Variants in GDPD5 observed in about 807,000 individuals in gnomAD.
GDPD5 encodes glycerophosphodiester phosphodiesterase domain containing 5, also known as glycerophosphodiester phosphodiesterase 2.
A neutral mutation model predicts 75.1 loss-of-function variants in GDPD5; 48 were observed. That is an observed-to-expected ratio of 0.64 (90% CI 0.51 to 0.81). The LOEUF (loss-of-function observed/expected upper bound fraction) is 0.81. Ranked by LOEUF, GDPD5 falls within the 40% of genes least tolerant of loss-of-function variation. The pLI, the probability that GDPD5 is intolerant of heterozygous loss-of-function variation, is 0.00. For synonymous variants in GDPD5, 336 were observed against 339.0 expected (o/e 0.99, Z 0.10); for missense variants, 706 against 822.6 (o/e 0.86, Z 1.73).
chr11:75,498,072 C>T (rs980007546), intron 1 of GDPD5, among the ~76,000 whole-genome samples: 1 of 149,940 alleles, frequency 6.7e-6, no homozygotes, highest in African/African-American at 2.5e-5. Flanking sequence ...CCAGGCCTGT[C>T]ATGGTCTGTT....
chr11:75,503,182 G>A (rs1416602187), intron 1 of GDPD5, among the ~76,000 whole-genome samples: 1 of 152,158 alleles, frequency 6.6e-6, no homozygotes, highest in Non-Finnish European at 1.5e-5. Flanking sequence ...ACCATGCCCA[G>A]CTAATTTTTG....
chr11:75,459,052 G>C (rs1421855047), intron 4 of GDPD5, among the ~76,000 whole-genome samples: 1 of 152,142 alleles, frequency 6.6e-6, no homozygotes. Context: ...GGGATTATAG[G>C]CGTGAGCCAC....
At chr11:75,496,972 G>A (rs758601026) in intron 1 of GDPD5, among the ~76,000 whole-genome samples, 11 of 151,676 alleles carry the variant, frequency 7.3e-5, no homozygotes, top group African/African-American at 1.4e-4. Flanking sequence ...TTGTAGAGAC[G>A]GGGTTTTGCC....
At chr11:75,475,529 C>T (rs1487489775) in intron 3 of GDPD5, among the ~76,000 whole-genome samples, 1 of 152,132 alleles carries the variant, frequency 6.6e-6, no homozygotes, top group East Asian at 1.9e-4. Flanking sequence ...CCTCACCCAG[C>T]TGCCTCAGGA....
chr11:75,493,557 G>T (rs1950152692), intron 1 of GDPD5, among the ~76,000 whole-genome samples: 1 of 151,780 alleles, frequency 6.6e-6, no homozygotes, highest in African/African-American at 2.4e-5. Context: ...ATGCTACCAC[G>T]CCAGGCCTCT....
chr11:75,483,091 G>T (rs1949952366), intron 2 of GDPD5, among the ~76,000 whole-genome samples: 1 of 152,108 alleles, frequency 6.6e-6, no homozygotes, highest in Admixed American at 6.5e-5. Context: ...TCCTGCCAGG[G>T]ATAATGGCAT....
At chr11:75,523,519 A>G (rs919596380) in intron 1 of GDPD5, among the ~76,000 whole-genome samples, 21 of 152,266 alleles carry the variant, frequency 1.4e-4, no homozygotes, top group African/African-American at 4.8e-4. Context: ...TGACAGCCAG[A>G]TGTGATGGCC....
At chr11:75,513,306 AGGCACACAGCCAGCAAG>A (rs1950568464) in intron 1 of GDPD5, among the ~76,000 whole-genome samples, 1 of 152,194 alleles carries the variant, frequency 6.6e-6, no homozygotes, top group Non-Finnish European at 1.5e-5. Context: ...TGTTCTCTTA[AGGCACACAGCCAGCAAG>A]GCAGGTGTTG....
intron 1 of GDPD5, chr11:75,515,981 A>G (rs988819312): frequency 3.9e-5 from 6 of 152,252 alleles, no homozygotes; most frequent in Non-Finnish European, 8.8e-5. Context: ...CTGTGTCCTA[A>G]GGACAGTGTA....
intron 2 of GDPD5, among the ~76,000 whole-genome samples, chr11:75,479,919 T>C (rs1248526951): frequency 6.6e-6 from 1 of 152,220 alleles, no homozygotes; most frequent in Non-Finnish European, 1.5e-5. Context: ...TTCTGTTGTA[T>C]GGATCTACCA....
intron 2 of GDPD5, among the ~76,000 whole-genome samples, chr11:75,478,602 T>C (rs1949832811): frequency 6.6e-6 from 1 of 152,260 alleles, no homozygotes; most frequent in African/African-American, 2.4e-5. Context: ...TCTACCCTAC[T>C]ATAATGCAGT....
intron 3 of GDPD5, among the ~76,000 whole-genome samples, chr11:75,466,348 C>T (rs1036967249): frequency 6.6e-6 from 1 of 152,110 alleles, no homozygotes; most frequent in African/African-American, 2.4e-5. Flanking sequence ...CACTGAATGG[C>T]AGGGACTGGA....
At chr11:75,508,806 C>T (rs1362732283) in intron 1 of GDPD5, 1 of 152,322 alleles carries the variant, frequency 6.6e-6, no homozygotes, top group African/African-American at 2.4e-5. Flanking sequence ...TCTGGAGCTG[C>T]TCAGGAACAA....
rs1256310426 is a variant in GDPD5 at position 75,501,113 on chromosome 11, C to T, written c.-144-10793G>A. ...AGGCCAAGTGCAGCATGAGGGGTCC[C>T]AAAGAGGTTTCTCAAATCTGGGAAC... On this transcript the variant is annotated intron_variant, in intron 1 of 16. Coordinates refer to ENST00000336898, the MANE Select transcript of GDPD5 (RefSeq NM_030792.8). Among the ~76,000 whole-genome samples the T allele has an allele frequency of 2.0e-5, 3 of 152,210 alleles. No individual in the cohort carries two copies. In the East Asian group the frequency reaches 5.8e-4, roughly 29 times the overall value.
intron 4 of GDPD5, among the ~76,000 whole-genome samples, chr11:75,462,417 T>G (rs1949433735): frequency 6.6e-6 from 1 of 152,158 alleles, no homozygotes; most frequent in Non-Finnish European, 1.5e-5. Flanking sequence ...TCAATCCCAG[T>G]CATTCTTTAA....
At chr11:75,466,017 C>G (rs1237025479) in intron 3 of GDPD5, among the ~76,000 whole-genome samples, 3 of 152,222 alleles carry the variant, frequency 2.0e-5, no homozygotes, top group Admixed American at 2.0e-4. Context: ...CCTCAAGTGT[C>G]CAGATCCTTA....
intron 2 of GDPD5, among the ~76,000 whole-genome samples, chr11:75,478,619 G>A (rs1293147333): frequency 6.6e-6 from 1 of 152,202 alleles, no homozygotes; most frequent in Admixed American, 6.5e-5. Context: ...CAGTTTTCAT[G>A]AAGGCAAGGA....
intron 1 of GDPD5, among the ~76,000 whole-genome samples, chr11:75,511,323 T>A (rs1486155617): frequency 6.6e-6 from 1 of 152,144 alleles, no homozygotes; most frequent in Non-Finnish European, 1.5e-5. Flanking sequence ...GCCCATGAGA[T>A]CTTCTCACTG....
Position 75,437,044 on chromosome 11 carries a change from G to A in GDPD5, c.1561C>T (p.Arg521Cys), listed in dbSNP as rs779621330. ...TTGTAGCTCCGTATGCCACCCAGGC[G>A]CCACCTGCAGAGATGGCCCCGTGGG... is the stretch of plus-strand genomic sequence containing the variant. ...IVGIFVLQKWRLGGIRSYNPE... is the reference protein window; with the variant it reads ...IVGIFVLQKWCLGGIRSYNPE... Residue 521 changes from arginine (R) to cysteine (C), a missense_variant, in exon 16 of 17, where the codon CGC (arginine) becomes TGC (cysteine). Arg to Cys is a radical substitution (Grantham distance 180, BLOSUM62 -3). Transcript: ENST00000336898. 2.3e-5 allele frequency: 37 copies of A among 1,612,464 alleles called. No homozygotes were observed. Among genetic ancestry groups the A allele is most frequent in the South Asian group, 9.9e-5 (9 of 91,060 alleles).
Sources: gnomAD v4.1 joint callset for allele counts (sites outside exome capture counted in the v4.1 genomes callset) on GRCh38, gnomAD v4.1.1 for gene constraint, MANE v1.5 for transcripts, NCBI Gene and HGNC (gene_info 2026-07-23, HGNC 2026-07-21) for gene names.